The following CSMD1 variants were observed in gnomAD, a reference collection of about 807,000 sequenced individuals.
CSMD1 encodes CUB and Sushi multiple domains 1.
Under a neutral mutation model 417.5 loss-of-function variants are expected in CSMD1, and 213 were observed. That is an observed-to-expected ratio of 0.51 (90% CI 0.46 to 0.57). The LOEUF (loss-of-function observed/expected upper bound fraction) is 0.57, where lower values mean the gene tolerates loss of function less well. CSMD1 is among the 20% of genes least tolerant of loss of function. The pLI is 0.00. For synonymous variants in CSMD1, 2,862 were observed against 1,736.8 expected, an observed-to-expected ratio of 1.65 and a Z score of -16.11; for missense variants, 6,923 against 4,529.7, an observed-to-expected ratio of 1.53 and a Z score of -15.17.
chr8:4,475,838 C>G (rs1384336373), intron 2 of CSMD1, among the ~76,000 whole-genome samples: 1 of 152,066 alleles, frequency 6.6e-6, no homozygotes, highest in Admixed American at 6.5e-5. Context: ...GTCTCAAACT[C>G]CTGACCTCAG....
chr8:3,835,556 C>T (rs1449961417), intron 5 of CSMD1, among the ~76,000 whole-genome samples: 2 of 151,946 alleles, frequency 1.3e-5, no homozygotes, highest in South Asian at 2.1e-4. Context: ...CATCGCACCT[C>T]AGGGACTGTT....
chr8:4,385,230 A>G (rs1321581238), intron 3 of CSMD1, among the ~76,000 whole-genome samples: 1 of 152,212 alleles, frequency 6.6e-6, no homozygotes, highest in Non-Finnish European at 1.5e-5. Flanking sequence ...ACCCGGCCAC[A>G]TTAAAAAAGT....
intron 1 of CSMD1, among the ~76,000 whole-genome samples, chr8:4,701,925 G>C (rs1044998848): frequency 1.3e-5 from 2 of 152,186 alleles, no homozygotes; most frequent in African/African-American, 2.4e-5. Context: ...ATACTATGCA[G>C]CCATAAAAAG....
intron 3 of CSMD1, among the ~76,000 whole-genome samples, chr8:4,223,195 T>C (rs532194580): frequency 6.6e-6 from 1 of 152,096 alleles, no homozygotes; most frequent in African/African-American, 2.4e-5. Flanking sequence ...AAGTCACTTC[T>C]GCACCCCGAG....
chr8:3,939,262 C>G (rs1033082654), intron 5 of CSMD1, among the ~76,000 whole-genome samples: 1 of 152,032 alleles, frequency 6.6e-6, no homozygotes, highest in Non-Finnish European at 1.5e-5. Flanking sequence ...AAAAAAAATG[C>G]TCAACATCAT....
chr8:3,116,244 T>A (rs1304198089), intron 42 of CSMD1, among the ~76,000 whole-genome samples: 1 of 152,244 alleles, frequency 6.6e-6, no homozygotes, highest in African/African-American at 2.4e-5. Flanking sequence ...TCAATATTTA[T>A]GATAAACTTT....
chr8:4,212,578 G>A (rs552073072), intron 3 of CSMD1, among the ~76,000 whole-genome samples: 28 of 151,890 alleles, frequency 1.8e-4, no homozygotes, highest in African/African-American at 6.0e-4. Flanking sequence ...GTTGATCAAG[G>A]CCTGACATTG....
At chr8:4,002,309 A>T (rs776580564) in intron 4 of CSMD1, among the ~76,000 whole-genome samples, 66 of 152,188 alleles carry the variant, frequency 4.3e-4, no homozygotes, top group Non-Finnish European at 7.4e-5. Context: ...CTTCTCTAAC[A>T]AAACTTTTTA....
chr8:4,019,872 C>T (rs1268252113), intron 4 of CSMD1, among the ~76,000 whole-genome samples: 1 of 149,328 alleles, frequency 6.7e-6, no homozygotes, highest in Non-Finnish European at 1.5e-5. Context: ...CTCCTCAAGT[C>T]AGTCTGCTAG....
intron 3 of CSMD1, among the ~76,000 whole-genome samples, chr8:4,384,031 C>A (rs1349069393): frequency 7.1e-6 from 1 of 139,996 alleles, no homozygotes; most frequent in Non-Finnish European, 1.5e-5. Context: ...CGCCTCATAA[C>A]AGATGTTTGG....
At chr8:3,812,195 C>T (rs569636017) in intron 5 of CSMD1, among the ~76,000 whole-genome samples, 2 of 152,154 alleles carry the variant, frequency 1.3e-5, no homozygotes, top group Non-Finnish European at 2.9e-5. Context: ...AAAGAGACCA[C>T]ATACAAACAA....
At chr8:3,662,206 A>G (rs984268671) in intron 7 of CSMD1, among the ~76,000 whole-genome samples, 2 of 152,244 alleles carry the variant, frequency 1.3e-5, no homozygotes, top group Non-Finnish European at 2.9e-5. Context: ...CCTTGAATTA[A>G]CAGTGGGTTT....
intron 2 of CSMD1, among the ~76,000 whole-genome samples, chr8:4,505,488 T>A (rs1425789724): frequency 6.6e-6 from 1 of 152,222 alleles, no homozygotes; most frequent in Non-Finnish European, 1.5e-5. Context: ...TATGCTATTA[T>A]AAACTGCTTA....
At chr8:4,981,422 C>A (rs778386842) in intron 1 of CSMD1, among the ~76,000 whole-genome samples, 2 of 152,168 alleles carry the variant, frequency 1.3e-5, no homozygotes, top group Admixed American at 6.5e-5. Flanking sequence ...AGATATCCAA[C>A]AAGAGTATAA....
chr8:3,570,765 T>C (rs1051107075), intron 10 of CSMD1, among the ~76,000 whole-genome samples: 2 of 152,222 alleles, frequency 1.3e-5, no homozygotes, highest in African/African-American at 4.8e-5. Context: ...CATTTATTTA[T>C]GGTGGAAAGC....
intron 1 of CSMD1, among the ~76,000 whole-genome samples, chr8:4,704,478 A>C (rs1807791565): frequency 6.6e-6 from 1 of 152,154 alleles, no homozygotes; most frequent in Non-Finnish European, 1.5e-5. Context: ...AATTTCAGAA[A>C]TTTGAATTTT....
intron 5 of CSMD1, among the ~76,000 whole-genome samples, chr8:3,938,720 A>C (rs2627529): frequency 6.6e-6 from 1 of 151,994 alleles, no homozygotes; most frequent in Non-Finnish European, 1.5e-5. Flanking sequence ...AGACCCAAAC[A>C]TAAGTTGTTT....
At chr8:4,240,144 A>C (rs1802303853) in intron 3 of CSMD1, among the ~76,000 whole-genome samples, 1 of 152,348 alleles carries the variant, frequency 6.6e-6, no homozygotes, top group Non-Finnish European at 1.5e-5. Context: ...TAAAATAAAC[A>C]TTATTTAATC....
At chr8:4,188,274 T>C (rs1381214820) in intron 3 of CSMD1, among the ~76,000 whole-genome samples, 1 of 152,210 alleles carries the variant, frequency 6.6e-6, no homozygotes, top group African/African-American at 2.4e-5. Flanking sequence ...ACGCTTGCCC[T>C]AGACGTCGGT....
Sources: allele counts gnomAD v4.1 joint callset (sites outside exome capture counted in the v4.1 genomes callset), GRCh38; gene constraint gnomAD v4.1.1; transcripts MANE v1.5; gene names NCBI Gene and HGNC (gene_info 2026-07-23, HGNC 2026-07-21).